Variants in RASA3 observed in about 807,000 individuals in gnomAD.
RASA3 encodes the protein RAS p21 protein activator 3.
In RASA3, 73 loss-of-function variants were observed where a neutral mutation model predicts 110.0. The ratio of observed to expected loss-of-function variants is 0.66; its 90% CI spans 0.55 to 0.81. RASA3 has a LOEUF of 0.81. RASA3 is among the 30% of genes least tolerant of loss of function. The pLI is 0.00. For synonymous variants in RASA3, 500 were observed against 451.4 expected, an observed-to-expected ratio of 1.11 and a Z score of -1.37; for missense variants, 976 against 1,113.2, an observed-to-expected ratio of 0.88 and a Z score of 1.75.
intron 1 of RASA3, among the ~76,000 whole-genome samples, chr13:114,110,845 G>A (rs2080208147): frequency 6.6e-6 from 1 of 152,246 alleles, no homozygotes; most frequent in Non-Finnish European, 1.5e-5. Flanking sequence ...GCTGGGGAGT[G>A]AGAATCCTCC....
At chr13:114,088,005 C>G (rs2079843795) in intron 1 of RASA3, among the ~76,000 whole-genome samples, 1 of 152,146 alleles carries the variant, frequency 6.6e-6, no homozygotes, top group Non-Finnish European at 1.5e-5. Flanking sequence ...GTGGCGCACG[C>G]CTGTAGTCCC....
intron 18 of RASA3, among the ~76,000 whole-genome samples, chr13:114,005,360 T>C (rs1390520447): frequency 6.6e-6 from 1 of 151,896 alleles, no homozygotes; most frequent in Non-Finnish European, 1.5e-5. Context: ...GTGTCAGTTA[T>C]GTAAGGAAGG....
chr13:114,067,204 C>G (rs959206926), intron 2 of RASA3, among the ~76,000 whole-genome samples: 1 of 149,492 alleles, frequency 6.7e-6, no homozygotes, highest in Non-Finnish European at 1.5e-5. Flanking sequence ...AGGACGGGCC[C>G]CCCACCTGGG....
intron 1 of RASA3, among the ~76,000 whole-genome samples, chr13:114,103,589 GGACACCCACCCCCGATGCGTCCACA>G (rs2080088440): frequency 1.5e-4 from 1 of 6,492 alleles, no homozygotes; most frequent in African/African-American, 4.9e-4. Context: ...CCACAGCCAC[GGACACCCACCCCCGATGCGTCCACA>G]CTGCCGCCGA....
chr13:114,042,339 C>T (rs1164920273), intron 3 of RASA3, among the ~76,000 whole-genome samples: 1 of 152,272 alleles, frequency 6.6e-6, no homozygotes, highest in Non-Finnish European at 1.5e-5. Flanking sequence ...AGCACATGCA[C>T]CTCTGTTGAC....
intron 4 of RASA3, among the ~76,000 whole-genome samples, chr13:114,030,544 ACT>A (rs1037642842): frequency 4.9e-5 from 5 of 103,074 alleles, no homozygotes; most frequent in Non-Finnish European, 8.6e-5. Context: ...AGAGGGCAAG[ACT>A]CACACAGACA....
intron 1 of RASA3, among the ~76,000 whole-genome samples, chr13:114,106,651 C>T (rs1365575695): frequency 6.6e-6 from 1 of 152,180 alleles, no homozygotes; most frequent in Non-Finnish European, 1.5e-5. Flanking sequence ...GAGCATAAGC[C>T]CCTGGCGTGG....
rs1368495187 is a variant in RASA3, at chr13:113,996,804, C to CCACCAGG, written c.1933-72_1933-66dup. ...CTCGTGGCTGAGCACGTGCAAGAGT[C>CCACCAGG]CACCAGGCACCTGGCCGTCCTCGCC... On this transcript the variant is annotated intron_variant, in intron 20 of 23. Transcript: ENST00000334062. 98 of 1,406,372 alleles carry CCACCAGG rather than the reference C, an allele frequency of 7.0e-5. No homozygotes were observed. The East Asian group carries it at 2.0e-3, about 29-fold the overall frequency. The allele number at this position is 1,406,372 out of a possible 1,614,324, so 87.1% of individuals were successfully genotyped here.
At chr13:113,993,700 T>G (rs1177835428) in intron 21 of RASA3, among the ~76,000 whole-genome samples, 1 of 146,276 alleles carries the variant, frequency 6.8e-6, no homozygotes, top group Non-Finnish European at 1.5e-5. Flanking sequence ...CCCAGCTGCC[T>G]GGGAGGCTGA....
rs186680438 is a variant in RASA3 at position 114,056,516 on chromosome 13, G to A, written c.174-4361C>T. On this transcript the variant is annotated intron_variant, in intron 2 of 23. Coordinates refer to ENST00000334062, the MANE Select transcript of RASA3 (RefSeq NM_007368.4). This position sits in a 1 kb window ranked among gnomAD's most constrained non-coding sequence, Gnocchi z 5.7. ...TCCCTGGGCGCTGCCCGGTAGCGGG[G>A]TGTTCAGTTGCTCTGCCAAAGGCTC... 4.7e-3 allele frequency: 4,632 copies of A among 985,226 alleles called. 12 individuals are homozygous for A. Among genetic ancestry groups the A allele is most frequent in the Non-Finnish European group, 5.1e-3 (4,270 of 829,910 alleles). The allele number at this position is 985,226 out of a possible 1,614,324, so 61.0% of individuals were successfully genotyped here.
chr13:113,979,604 T>C (rs1212289872), intron 23 of RASA3, among the ~76,000 whole-genome samples, 182 bp from the exon 24 acceptor site: 1 of 152,224 alleles, frequency 6.6e-6, no homozygotes, highest in African/African-American at 2.4e-5. Context: ...CTGATGTGTG[T>C]GCACAGGTGG....
In RASA3 at chr13:114,115,965, G is replaced by A. The variant is rs2080269989; in HGVS notation, c.55+16470C>T. Among the ~76,000 whole-genome samples, 1 of 152,258 alleles carries A rather than the reference G, an allele frequency of 6.6e-6. No individual in the cohort carries two copies. Among genetic ancestry groups the A allele is most frequent in the African/African-American group, 2.4e-5 (1 of 41,470 alleles). ...GTGCTCAGAGGCGTCTGCAGTTGAG[G>A]CGGGTGACGTTCTGGGGTCCCTGGG... On this transcript the variant is annotated intron_variant, in intron 1 of 23. Coordinates refer to ENST00000334062, the MANE Select transcript of RASA3 (RefSeq NM_007368.4). This position sits in a 1 kb window ranked among gnomAD's most constrained non-coding sequence, Gnocchi z 5.0.
intron 22 of RASA3, among the ~76,000 whole-genome samples, chr13:113,988,740 T>C (rs2053027678): frequency 1.2e-5 from 1 of 83,306 alleles, no homozygotes; most frequent in Non-Finnish European, 2.2e-5. Context: ...CATCCATCCA[T>C]CCACCCATCA....
intron 4 of RASA3, among the ~76,000 whole-genome samples, chr13:114,037,012 C>T (rs892863776): frequency 3.3e-5 from 5 of 152,178 alleles, no homozygotes; most frequent in Admixed American, 2.0e-4. Context: ...TCGCATTTGC[C>T]TTCCATAAAG....
At chr13:114,030,303 C>T (rs1181204441) in intron 4 of RASA3, among the ~76,000 whole-genome samples, 4 of 152,160 alleles carry the variant, frequency 2.6e-5, no homozygotes, top group African/African-American at 9.7e-5. Context: ...CCTTTACCTC[C>T]CCTCGGGCGA....
intron 12 of RASA3, among the ~76,000 whole-genome samples, chr13:114,016,806 C>G (rs141274338): frequency 6.6e-6 from 1 of 152,176 alleles, no homozygotes; most frequent in African/African-American, 2.4e-5. Context: ...CGCTCATAAA[C>G]GGGGGGCACA....
Position 114,057,173 on chromosome 13 carries a change from A to C in RASA3, c.174-5018T>G. On this transcript the variant is annotated intron_variant, in intron 2 of 23. Coordinates refer to ENST00000334062, the MANE Select transcript of RASA3 (RefSeq NM_007368.4). The surrounding 1 kb of genome is among the most constrained non-coding windows in gnomAD (Gnocchi z 5.0). ...CTAGTGGTTCCAATTGCCTATTTTA[A>C]TGTTTTTCTTCTTATTTCATATAAC... The C allele has an allele frequency of 1.0e-6, 1 of 976,742 alleles. No homozygotes were observed. Among genetic ancestry groups the C allele is most frequent in the Non-Finnish European group, 1.2e-6 (1 of 822,086 alleles). 60.5% of individuals were successfully genotyped at this position (976,742 alleles called of 1,614,324 possible). A position where few individuals can be genotyped will look rare whatever the true frequency, so the allele number is the denominator to read the frequency against.
At chr13:114,052,872 C>A (rs935320204) in intron 2 of RASA3, among the ~76,000 whole-genome samples, 1 of 111,616 alleles carries the variant, frequency 9.0e-6, no homozygotes, top group African/African-American at 3.8e-5. Context: ...GGGGGAGAGA[C>A]CCCCGCTGCT....
At position 114,111,641 on chromosome 13, in the gene RASA3, G is replaced by A. The variant is rs562523959; in HGVS notation, c.55+20794C>T. Reference sequence around the variant, plus strand: ...GAGTTCTAACGGGCTGAGCCTCTAAGGAGGGAAACGTCACTTCCTGCCTCA... The same window carrying A: ...GAGTTCTAACGGGCTGAGCCTCTAAAGAGGGAAACGTCACTTCCTGCCTCA... On this transcript the variant is annotated intron_variant, in intron 1 of 23. Coordinates refer to ENST00000334062, the MANE Select transcript of RASA3 (RefSeq NM_007368.4). Among the ~76,000 whole-genome samples, 8 of 152,280 alleles carry A rather than the reference G, an allele frequency of 5.3e-5. No homozygotes were observed. In the South Asian group the frequency reaches 1.5e-3, roughly 28 times the overall value.
Sources: allele counts gnomAD v4.1 joint callset (sites outside exome capture counted in the v4.1 genomes callset), GRCh38; gene constraint gnomAD v4.1.1; non-coding constraint Gnocchi (gnomAD v3.1); transcripts MANE v1.5; gene names NCBI Gene and HGNC (gene_info 2026-07-23, HGNC 2026-07-21).